The following WWC1 variants were observed in gnomAD, a reference collection of about 807,000 sequenced individuals.
WWC1 encodes the protein WW and C2 domain containing 1.
Under a neutral mutation model 138.4 loss-of-function variants are expected in WWC1, and 55 were observed. The observed-to-expected ratio is 0.40, with a 90% confidence interval of 0.32 to 0.50. The LOEUF is 0.50. Ranked by LOEUF, WWC1 falls within the 20% of genes least tolerant of loss-of-function variation. The pLI, the probability that WWC1 is intolerant of heterozygous loss-of-function variation, is 0.72. For missense variants in WWC1, 1,226 were observed against 1,420.4 expected, an observed-to-expected ratio of 0.86 and a Z score of 2.20; for synonymous variants, 524 against 564.9, an observed-to-expected ratio of 0.93 and a Z score of 1.03.
At chr5:168,344,762 A>G (rs1048971968) in intron 1 of WWC1, among the ~76,000 whole-genome samples, 9 of 152,224 alleles carry the variant, frequency 5.9e-5, no homozygotes, top group Admixed American at 4.6e-4. Flanking sequence ...TTTTATTTAG[A>G]AGAGAAATTA....
chr5:168,304,858 C>T (rs1212088646), intron 1 of WWC1, among the ~76,000 whole-genome samples: 1 of 149,496 alleles, frequency 6.7e-6, no homozygotes, highest in South Asian at 2.1e-4. Context: ...GGTGGAGTCT[C>T]ACTCTCACCC....
chr5:168,322,275 A>C (rs1772174278), intron 1 of WWC1, among the ~76,000 whole-genome samples: 1 of 147,426 alleles, frequency 6.8e-6, no homozygotes. Context: ...ATTGGAAAAT[A>C]CAAAAAAAAA....
At chr5:168,376,302 C>T (rs1373525729) in intron 2 of WWC1, among the ~76,000 whole-genome samples, 2 of 152,136 alleles carry the variant, frequency 1.3e-5, no homozygotes, top group Non-Finnish European at 2.9e-5. Context: ...GATCCTCCTG[C>T]CTGGGCCTCC....
intron 1 of WWC1, among the ~76,000 whole-genome samples, chr5:168,359,018 TGTTG>T (rs1283424388): frequency 2.3e-5 from 3 of 132,672 alleles, no homozygotes; most frequent in Admixed American, 8.4e-5. Context: ...TTTTTGTTGT[TGTTG>T]GTGGTGGTGG....
chr5:168,339,053 T>C (rs1773751842), intron 1 of WWC1, among the ~76,000 whole-genome samples: 1 of 152,226 alleles, frequency 6.6e-6, no homozygotes, highest in African/African-American at 2.4e-5. Context: ...ATACATTGTA[T>C]GTATCAAAAC....
At chr5:168,301,493 C>T (rs892478201) in intron 1 of WWC1, among the ~76,000 whole-genome samples, 4 of 152,092 alleles carry the variant, frequency 2.6e-5, no homozygotes, top group Admixed American at 6.5e-5. Context: ...AAAAAATTAG[C>T]CAGGCGTGGT....
At chr5:168,299,438 AAGAG>A (rs1205562215) in intron 1 of WWC1, among the ~76,000 whole-genome samples, 1 of 152,072 alleles carries the variant, frequency 6.6e-6, no homozygotes, top group Non-Finnish European at 1.5e-5. Context: ...GGGATGGGAG[AAGAG>A]AGAGAGATGG....
At chr5:168,310,267 T>C (rs1053018818) in intron 1 of WWC1, among the ~76,000 whole-genome samples, 9 of 152,120 alleles carry the variant, frequency 5.9e-5, no homozygotes, top group African/African-American at 2.2e-4. Flanking sequence ...TCAAAAATAG[T>C]ACAAGAAATT....
chr5:168,369,895 AT>A (rs35999257), intron 1 of WWC1, among the ~76,000 whole-genome samples: 16,858 of 88,672 alleles, frequency 0.19, 551 homozygotes, highest in Admixed American at 0.25. Context: ...TCATTGTGCA[AT>A]TTTTTTTTTT....
intron 20 of WWC1, among the ~76,000 whole-genome samples, chr5:168,462,146 AG>A (rs944286640): frequency 6.6e-6 from 1 of 152,234 alleles, no homozygotes; most frequent in African/African-American, 2.4e-5. Context: ...CAGTAGGGGC[AG>A]GCCCCCCACC....
intron 2 of WWC1, among the ~76,000 whole-genome samples, chr5:168,381,880 G>A (rs1344123152): frequency 6.6e-6 from 1 of 151,192 alleles, no homozygotes; most frequent in Non-Finnish European, 1.5e-5. Context: ...AATGTGGGGG[G>A]AGGCACTCAT....
chr5:168,448,499 T>G (rs1755488354), intron 17 of WWC1, among the ~76,000 whole-genome samples: 1 of 152,168 alleles, frequency 6.6e-6, no homozygotes, highest in Admixed American at 6.5e-5. Context: ...ATCTTTGTAT[T>G]TGCCTCCTTG....
At chr5:168,447,870 CCTCT>C (rs1307561362) in intron 17 of WWC1, among the ~76,000 whole-genome samples, 2 of 151,342 alleles carry the variant, frequency 1.3e-5, no homozygotes, top group African/African-American at 4.9e-5. Context: ...TGTTTCTCTG[CCTCT>C]CTCTCTCTTT....
chr5:168,457,065 C>T (rs893518228), intron 19 of WWC1, among the ~76,000 whole-genome samples: 13 of 151,716 alleles, frequency 8.6e-5, no homozygotes, highest in African/African-American at 3.2e-4. Flanking sequence ...TTATTTATAC[C>T]GTTTCTAAGC....
chr5:168,462,229 G>A (rs1240052639), intron 20 of WWC1, among the ~76,000 whole-genome samples: 1 of 56,922 alleles, frequency 1.8e-5, no homozygotes, highest in African/African-American at 1.2e-4. Flanking sequence ...CAAGTCTGAG[G>A]GGGAACTGGA....
chr5:168,435,726 C>A (rs1040745352), intron 15 of WWC1, among the ~76,000 whole-genome samples: 1 of 152,096 alleles, frequency 6.6e-6, no homozygotes, highest in African/African-American at 2.4e-5. Flanking sequence ...ACTTTTTTCA[C>A]CCCATTTCCA....
At chr5:168,414,885 C>T (rs34228755) in intron 9 of WWC1, 13 of 98,228 alleles carry the variant, frequency 1.3e-4, no homozygotes, top group African/African-American at 2.8e-4. Context: ...CTCTATATAA[C>T]TTAAAGCAGT....
Position 168,444,583 on chromosome 5 carries a change from C to G in WWC1, c.2523C>G (p.Ser841Arg). Residue 841 changes from serine (S) to arginine (R), a missense_variant and splice_region_variant, in exon 17 of 23, where the codon AGC becomes AGG. Physicochemically the swap from Ser to Arg is moderately radical, Grantham distance 110 (BLOSUM62 -1). Transcript: ENST00000265293. Reference protein sequence around the residue: ...GRSSTQTLEDSWRYEETSENE... With the variant: ...GRSSTQTLEDRWRYEETSENE... The stretch of plus-strand genomic sequence containing the variant: ...GCAGCACACAGACACTGGAAGACAG[C>G]TGGTGAGTGAGCCCGCCCTTGGGCC... The G allele has an allele frequency of 6.2e-7, 1 of 1,613,164 alleles. No individual in the cohort carries two copies. Among genetic ancestry groups the G allele is most frequent in the Non-Finnish European group, 8.5e-7 (1 of 1,179,794 alleles).
intron 1 of WWC1, among the ~76,000 whole-genome samples, chr5:168,362,079 A>G (rs1363051251): frequency 6.6e-6 from 1 of 152,168 alleles, no homozygotes; most frequent in African/African-American, 2.4e-5. Context: ...GTGAAACTCC[A>G]TCTCAAAAGA....
Sources: gnomAD v4.1 joint callset for allele counts (sites outside exome capture counted in the v4.1 genomes callset) on GRCh38, gnomAD v4.1.1 for gene constraint, MANE v1.5 for transcripts, NCBI Gene and HGNC (gene_info 2026-07-23, HGNC 2026-07-21) for gene names.